PARG: variants seen among roughly 807,000 people sequenced by gnomAD.
PARG encodes the protein poly(ADP-ribose) glycohydrolase.
In PARG, 35 loss-of-function variants were observed where a neutral mutation model predicts 113.0. That is an observed-to-expected ratio of 0.31 (90% CI 0.24 to 0.41). The LOEUF (loss-of-function observed/expected upper bound fraction) is 0.41, where lower values mean the gene tolerates loss of function less well. PARG is among the 10% of genes least tolerant of loss of function. The pLI is 1.00. For synonymous variants in PARG, 330 were observed against 409.9 expected (o/e 0.81, Z 2.36); for missense variants, 797 against 1,169.4 (o/e 0.68, Z 4.64).
intron 8 of PARG, among the ~76,000 whole-genome samples, chr10:49,884,131 C>T (rs1405218165): frequency 3.1e-4 from 47 of 151,094 alleles, no homozygotes; most frequent in Admixed American, 8.6e-4. Flanking sequence ...ACATCCTCAC[C>T]GCAACCACGA....
intron 9 of PARG, among the ~76,000 whole-genome samples, chr10:49,878,029 T>C (rs547165140): frequency 1.5e-3 from 217 of 145,290 alleles, no homozygotes; most frequent in African/African-American, 5.2e-3. Flanking sequence ...CTTCGCCAAC[T>C]GATCACCAGT....
chr10:49,934,924 G>A (rs1838676787), intron 2 of PARG, among the ~76,000 whole-genome samples, 152 bp downstream of exon 2: 5 of 151,252 alleles, frequency 3.3e-5, no homozygotes, highest in African/African-American at 1.2e-4. Context: ...CTGGCATACA[G>A]GACTCTCTAA....
rs1554828516 is a variant in PARG at position 49,820,985 on chromosome 10, T to G, written c.2648-692A>C. Among the ~76,000 whole-genome samples the G allele has an allele frequency of 7.2e-5, 11 of 152,284 alleles. No individual in the cohort carries two copies. The South Asian group carries it at 1.9e-3, about 26-fold the overall frequency. On this transcript the variant is annotated intron_variant, in intron 16 of 17. Coordinates refer to ENST00000616448, the MANE Select transcript of PARG (RefSeq NM_003631.5). ...TTATCACACAGCCACTGGCCTTTTGTATAGGCACATTTGGGAGGTTCTAAT... is the reference window on the plus strand; with the variant it reads ...TTATCACACAGCCACTGGCCTTTTGGATAGGCACATTTGGGAGGTTCTAAT...
At chr10:49,890,669 T>C (rs1440147547) in intron 7 of PARG, among the ~76,000 whole-genome samples, 10 of 152,118 alleles carry the variant, frequency 6.6e-5, no homozygotes, top group South Asian at 4.1e-4. Context: ...TCTCCACAAA[T>C]AGAAACAAGC....
rs184497934 is a variant in PARG, at chr10:49,838,388, G to A, written c.2541+3562C>T. On this transcript the variant is annotated intron_variant, in intron 15 of 17. Coordinates refer to ENST00000616448, the MANE Select transcript of PARG (RefSeq NM_003631.5). ...GGAGGTTGCAATGAGCCGAGATCAT[G>A]CCATTGCACTCCAGCCTGGGCACCA... Among the ~76,000 whole-genome samples the A allele has an allele frequency of 4.3e-3, 564 of 132,308 alleles. 2 individuals carry two copies. The highest frequency in any genetic ancestry group is 6.9e-3 in the Non-Finnish European group (454 of 65,334). 86.8% of individuals were successfully genotyped at this position (132,308 alleles called of 152,430 possible). A position where few individuals can be genotyped will look rare whatever the true frequency, so the allele number is the denominator to read the frequency against.
At chr10:49,874,525 T>C (rs563822063) in intron 9 of PARG, among the ~76,000 whole-genome samples, 9 of 152,124 alleles carry the variant, frequency 5.9e-5, no homozygotes, top group African/African-American at 9.6e-5. Context: ...ACTCAGAAGG[T>C]TGGCTGAAAA....
At chr10:49,905,970 C>G (rs1848566166) in intron 7 of PARG, among the ~76,000 whole-genome samples, 1 of 150,156 alleles carries the variant, frequency 6.7e-6, no homozygotes, top group African/African-American at 2.5e-5. Context: ...TGAATATCAA[C>G]TGAACCGAAG....
At chr10:49,895,938 G>T (rs1313893273) in intron 7 of PARG, among the ~76,000 whole-genome samples, 3 of 151,904 alleles carry the variant, frequency 2.0e-5, no homozygotes. Context: ...AATGATTTTT[G>T]TATACTGACC....
At chr10:49,890,194 A>T (rs1847698768) in intron 7 of PARG, among the ~76,000 whole-genome samples, 1 of 152,202 alleles carries the variant, frequency 6.6e-6, no homozygotes, top group Non-Finnish European at 1.5e-5. Context: ...TCCCACAAGT[A>T]AAACCCTGCC....
At chr10:49,835,569 G>T (rs1172845627) in intron 15 of PARG, among the ~76,000 whole-genome samples, 1 of 151,834 alleles carries the variant, frequency 6.6e-6, no homozygotes, top group Non-Finnish European at 1.5e-5. Context: ...GAAAATATTA[G>T]TACCTAGAGT....
chr10:49,936,253 A>T, intron 1 of PARG, among the ~76,000 whole-genome samples: 1 of 152,188 alleles, frequency 6.6e-6, no homozygotes, highest in Non-Finnish European at 1.5e-5. Context: ...ACTTCACAAT[A>T]ATAGGGGAAG....
chr10:49,825,743 A>C (rs1247886101), intron 16 of PARG, among the ~76,000 whole-genome samples: 1 of 152,180 alleles, frequency 6.6e-6, no homozygotes, highest in African/African-American at 2.4e-5. Flanking sequence ...TCTCATTCTT[A>C]AAAGAAGGGC....
At chr10:49,914,223 C>T (rs1554847013) in intron 7 of PARG, among the ~76,000 whole-genome samples, 2 of 152,210 alleles carry the variant, frequency 1.3e-5, no homozygotes, top group East Asian at 1.9e-4. Context: ...TACATTACTT[C>T]TTACCCCAAT....
intron 1 of PARG, among the ~76,000 whole-genome samples, chr10:49,938,309 C>T (rs1277918422): frequency 2.0e-5 from 3 of 152,178 alleles, no homozygotes; most frequent in African/African-American, 7.2e-5. Flanking sequence ...CCCGACATTT[C>T]CACCCAGTCT....
intron 4 of PARG, among the ~76,000 whole-genome samples, chr10:49,930,938 A>C: frequency 1.6e-5 from 2 of 126,152 alleles, no homozygotes; most frequent in Middle Eastern, 7.4e-3. Flanking sequence ...AATGGACTCA[A>C]TATCACCAAA....
At chr10:49,822,111 A>G (rs115348909) in intron 16 of PARG, among the ~76,000 whole-genome samples, 298 of 152,320 alleles carry the variant, frequency 2.0e-3, no homozygotes, top group African/African-American at 6.9e-3. Flanking sequence ...GTGTCTCACT[A>G]TGGAAGGAGG....
chr10:49,874,736 C>T (rs1846869213), intron 9 of PARG, among the ~76,000 whole-genome samples: 1 of 149,870 alleles, frequency 6.7e-6, no homozygotes, highest in African/African-American at 2.5e-5. Flanking sequence ...TGCCTGTAGT[C>T]CCAGCTACTA....
intron 4 of PARG, among the ~76,000 whole-genome samples, chr10:49,927,365 AGAAG>A (rs1169978481): frequency 1.2e-3 from 83 of 70,626 alleles, no homozygotes; most frequent in African/African-American, 2.9e-3. Context: ...AAAGAAGGAA[AGAAG>A]GAAAGAAAGA....
intron 16 of PARG, among the ~76,000 whole-genome samples, chr10:49,832,189 C>T (rs965029706): frequency 5.9e-5 from 9 of 152,180 alleles, no homozygotes; most frequent in African/African-American, 1.9e-4. Flanking sequence ...AACAATAACA[C>T]GTAAGAAATG....
Sources: gnomAD v4.1 joint callset for allele counts (sites outside exome capture counted in the v4.1 genomes callset) on GRCh38, gnomAD v4.1.1 for gene constraint, MANE v1.5 for transcripts, NCBI Gene and HGNC (gene_info 2026-07-23, HGNC 2026-07-21) for gene names.